The following ABCB6 variants were observed in gnomAD, a reference collection of about 807,000 sequenced individuals.
The protein encoded by ABCB6 is ATP binding cassette subfamily B member 6 (LAN blood group).
Under a neutral mutation model 99.4 loss-of-function variants are expected in ABCB6, and 87 were observed. The observed-to-expected ratio is 0.88, with a 90% confidence interval of 0.74 to 1.05. The LOEUF is 1.05. Ranked by LOEUF, ABCB6 falls within the 50% of genes least tolerant of loss-of-function variation. The pLI, the probability that ABCB6 is intolerant of heterozygous loss-of-function variation, is 0.00. For synonymous variants in ABCB6, 482 were observed against 447.5 expected (o/e 1.08, Z -0.97); for missense variants, 1,050 against 1,097.9 (o/e 0.96, Z 0.62).
intron 7 of ABCB6, 90 bp from the exon 8 acceptor site, chr2:219,214,276 T>TCAAACATCACACA: frequency 6.6e-7 from 1 of 1,506,968 alleles, no homozygotes; most frequent in Non-Finnish European, 9.2e-7. Context: ...CTTCCTGAGT[T>TCAAACATCACACA]CAAACATCAC....
At position 219,214,143 on chromosome 2, in the gene ABCB6, C is replaced by T. The variant is rs749179479; in HGVS notation, c.1430G>A (p.Arg477Gln). Residue 477 changes from arginine (R) to glutamine (Q), a missense_variant, in exon 8 of 19, where the codon CGA becomes CAA. Transcript: ENST00000265316. Reference sequence around the variant, plus strand: ...CACCTGATATTTGATGATGGCCTCTCGATAGCGTTCCACTTCGTAACTCTC... The same window carrying T: ...CACCTGATATTTGATGATGGCCTCTTGATAGCGTTCCACTTCGTAACTCTC... ...NAESYEVERYREAIIKYQGLE... is the reference protein window; with the variant it reads ...NAESYEVERYQEAIIKYQGLE... 1.7e-5 allele frequency: 27 copies of T among 1,614,072 alleles called. No individual in the cohort carries two copies. Among genetic ancestry groups the T allele is most frequent in the South Asian group, 3.3e-5 (3 of 91,086 alleles).
Position 219,215,070 on chromosome 2 carries a change from G to A in ABCB6, c.1167C>T (p.Phe389=). ...TGTCGGCCAGCGTGGGGATGACATT[G>A]AACACCAGGTAGCTAGGAGGGCAGG... ...SVTGLLSYLV[F]NVIPTLADII... The change falls in exon 6 of 19, where the codon TTC becomes TTT. Residue 389 remains phenylalanine, a synonymous_variant. Transcript: ENST00000265316. 1 of 1,614,138 alleles carries A rather than the reference G, an allele frequency of 6.2e-7. No homozygotes were observed. The highest frequency in any genetic ancestry group is 8.5e-7 in the Non-Finnish European group (1 of 1,180,020).
At chr2:219,211,213 TC>T in intron 14 of ABCB6, 105 bp from the exon 15 acceptor site, 1 of 1,250,548 alleles carries the variant, frequency 8.0e-7, no homozygotes, top group Non-Finnish European at 1.1e-6. Flanking sequence ...GTGGTAATAA[TC>T]CCACCATCAC....
chr2:219,212,586 G>A (rs1165422065), intron 13 of ABCB6, 95 bp from the exon 14 acceptor site: 13 of 900,446 alleles, frequency 1.4e-5, no homozygotes, highest in African/African-American at 4.9e-5. Flanking sequence ...GCAATGGCGC[G>A]ATCTCAGCTC....
Position 219,218,872 on chromosome 2 carries a change from A to G in ABCB6, c.-199T>C. On this transcript the variant is annotated 5_prime_UTR_variant, in exon 1 of 19. Transcript: ENST00000265316. Reference sequence around the variant, plus strand: ...CCTAGCGCACGCGCCGCCGCCACGCACTCACGCAGGGCACGTACGCCGTCT... The same window carrying G: ...CCTAGCGCACGCGCCGCCGCCACGCGCTCACGCAGGGCACGTACGCCGTCT... 1 of 570,744 alleles carries G rather than the reference A, an allele frequency of 1.8e-6. No individual in the cohort carries two copies. The highest frequency in any genetic ancestry group is 2.9e-6 in the Non-Finnish European group (1 of 340,008). 35.4% of individuals were successfully genotyped at this position (570,744 alleles called of 1,614,324 possible).
At position 219,210,981 on chromosome 2, in the gene ABCB6, G is replaced by C; in HGVS notation, c.2096C>G (p.Ala699Gly). 1 of 1,614,204 alleles carries C rather than the reference G, an allele frequency of 6.2e-7. No homozygotes were observed. The highest frequency in any genetic ancestry group is 8.5e-7 in the Non-Finnish European group (1 of 1,180,026). ...ATCATGGATGCCTGCAGCCTGAGCA[G>C]CAGCCTCCACCTCATCATTCCCAGC... ...VTAGNDEVEAAAQAAGIHDAI... is the reference protein window; with the variant it reads ...VTAGNDEVEAGAQAAGIHDAI... The change falls in exon 15 of 19, where the codon GCT becomes GGT. Residue 699 changes from alanine (A) to glycine (G), a missense_variant. Coordinates refer to ENST00000265316, the MANE Select transcript of ABCB6 (RefSeq NM_005689.4).
intron 13 of ABCB6, 63 bp from the exon 14 acceptor site, chr2:219,212,554 A>C: frequency 2.4e-6 from 3 of 1,275,974 alleles, no homozygotes; most frequent in Non-Finnish European, 3.4e-6. Flanking sequence ...ACCGAATCTC[A>C]CTCCGTCACC....
Position 219,214,404 on chromosome 2 carries a change from C to T in ABCB6, c.1371G>A (p.Leu457=), listed in dbSNP as rs1559236909. Residue 457 remains leucine, a synonymous_variant, in exon 7 of 19, where the codon CTG becomes CTA. Transcript: ENST00000265316. Reference sequence around the variant, plus strand: ...CCTCTGTTACCGTCTCGAAGTTTAGCAGAGAGTCCACTGCTCGTGCCCGGG... The same window carrying T: ...CCTCTGTTACCGTCTCGAAGTTTAGTAGAGAGTCCACTGCTCGTGCCCGGG... ...NATRARAVDS[L]LNFETVKYYN... 2 of 1,614,134 alleles carry T rather than the reference C, an allele frequency of 1.2e-6. No homozygotes were observed. Among genetic ancestry groups the T allele is most frequent in the African/African-American group, 2.7e-5 (2 of 75,054 alleles).
chr2:219,215,879 A>G, intron 5 of ABCB6, 118 bp downstream of exon 5: 1 of 1,173,982 alleles, frequency 8.5e-7, no homozygotes, highest in Non-Finnish European at 1.1e-6. Flanking sequence ...ATACTTTAAA[A>G]AACACCAAGG....
In ABCB6 at chr2:219,213,454, C is replaced by G. The variant is rs1950602232; in HGVS notation, c.1704G>C (p.Leu568=). Residue 568 remains leucine, a synonymous_variant, in exon 11 of 19, where the codon CTG becomes CTC. Coordinates refer to ENST00000265316, the MANE Select transcript of ABCB6 (RefSeq NM_005689.4). ...FIDMENMFDL[L]KEETEVKDLP... ...CTTCGCTCACTTCTGTCTCCTCTTT[C>G]AGCAAGTCAAACATGTTCTCCATGT... 7 of 1,614,134 alleles carry G rather than the reference C, an allele frequency of 4.3e-6. No individual in the cohort carries two copies. The highest frequency in any genetic ancestry group is 4.2e-6 in the Non-Finnish European group (5 of 1,180,052).
At chr2:219,210,143 C>T in intron 18 of ABCB6, 87 bp downstream of exon 18, 1 of 1,594,342 alleles carries the variant, frequency 6.3e-7, no homozygotes. Context: ...AAGGGAGGTC[C>T]CCTCCAGAAG....
At chr2:219,210,885 C>G in intron 15 of ABCB6, 49 bp downstream of exon 15, 3 of 1,613,236 alleles carry the variant, frequency 1.9e-6, no homozygotes, top group Non-Finnish European at 2.5e-6. Flanking sequence ...CAGGGATTAG[C>G]AGGACAACAC....
chr2:219,216,144 C>T lies in ABCB6; in HGVS notation c.1007G>A (p.Arg336Gln), dbSNP rs770956204. The T allele has an allele frequency of 5.0e-6, 8 of 1,601,562 alleles. No individual in the cohort carries two copies. The highest frequency in any genetic ancestry group is 4.5e-5 in the East Asian group (2 of 44,436). Residue 336 changes from arginine (R) to glutamine (Q), a missense_variant, in exon 5 of 19, where the codon CGG (arginine) becomes CAG (glutamine). Physicochemically the swap from Arg to Gln is conservative, Grantham distance 43. Transcript: ENST00000265316. The surrounding 1 kb of genome is among the most constrained non-coding windows in gnomAD (Gnocchi z 4.2). ...VSNLRTFLWI[R>Q]VQQFTSRRVE... The stretch of plus-strand genomic sequence containing the variant: ...CCGCCGAGACGTGAACTGCTGCACC[C>T]GGATCCACAGGAAGGTGCGCAGGTT...
rs1015650274 is a variant in ABCB6 at position 219,210,610 on chromosome 2, G to A, written c.2256+101C>T. 1.4e-5 allele frequency: 23 copies of A among 1,596,150 alleles called. No homozygotes were observed. The Admixed American group carries it at 3.7e-4, about 26-fold the overall frequency. On this transcript the variant is annotated intron_variant, in intron 16 of 18. Coordinates refer to ENST00000265316, the MANE Select transcript of ABCB6 (RefSeq NM_005689.4). ...GAGAACTGGAAAGTGTGTTTTGTGA[G>A]ATTTGAATTCATGGTATCTGTTCTA...
Position 219,218,703 on chromosome 2 carries a change from G to T in ABCB6, c.-30C>A. 1 of 1,520,122 alleles carries T rather than the reference G, an allele frequency of 6.6e-7. No individual in the cohort carries two copies. Among genetic ancestry groups the T allele is most frequent in the Non-Finnish European group, 8.8e-7 (1 of 1,133,252 alleles). The allele number at this position is 1,520,122 out of a possible 1,614,324, so 94.2% of individuals were successfully genotyped here. ...ATGCGTGGACGCCGGCCGAGGCTGC[G>T]GGCACTGCGGGACCGGAGGCCGGGA... On this transcript the variant is annotated 5_prime_UTR_variant, in exon 1 of 19. Coordinates refer to ENST00000265316, the MANE Select transcript of ABCB6 (RefSeq NM_005689.4).
In ABCB6 at chr2:219,217,817, A is replaced by C. The variant is rs745970812; in HGVS notation, c.550-10T>G. ...ACAGGCTAAACTGAACCTAGAATGA[A>C]ATATAAGTGGAGAGAGTATCATTGA... On this transcript the variant is annotated splice_polypyrimidine_tract_variant and intron_variant, in intron 1 of 18. Transcript: ENST00000265316. 2.5e-6 allele frequency: 4 copies of C among 1,610,374 alleles called. No individual in the cohort carries two copies. In the South Asian group the frequency reaches 4.4e-5, roughly 18 times the overall value.
At position 219,218,125 on chromosome 2, in the gene ABCB6, C is replaced by T. The variant is rs551637880; in HGVS notation, c.549G>A (p.Gln183=). The T allele has an allele frequency of 3.0e-5, 48 of 1,600,318 alleles. No individual in the cohort carries two copies. Among genetic ancestry groups the T allele is most frequent in the Non-Finnish European group, 4.0e-5 (47 of 1,172,728 alleles). Residue 183 remains glutamine, a splice_region_variant and synonymous_variant, in exon 1 of 19, where the codon CAG becomes CAA. Transcript: ENST00000265316. The part of the protein sequence containing the change: ...WWWARADLGQ[Q]VQFSLWVLRY... ...TCCCCCTTCCCACAGAGTCCCTCAC[C>T]TGCTGGCCCAAGTCTGCCCTTGCCC...
In ABCB6 at chr2:219,210,436, G is replaced by A. The variant is rs779559316; in HGVS notation, c.2296C>T (p.Gln766Ter). 1 of 1,614,182 alleles carries A rather than the reference G, an allele frequency of 6.2e-7. No homozygotes were observed. Among genetic ancestry groups the A allele is most frequent in the South Asian group, 1.1e-5 (1 of 91,076 alleles). The change falls in exon 17 of 19, where the codon CAG becomes TAG. Residue 766 changes from glutamine (Q) to a stop codon, truncating the protein, a stop_gained. Transcript: ENST00000265316. LOFTEE classifies it high-confidence loss of function. ...GCACAGACTTTGGCCAGAGAAGCCTGGATGGCCCTCTCATTAGATGTATCC... is the reference window on the plus strand; with the variant it reads ...GCACAGACTTTGGCCAGAGAAGCCTAGATGGCCCTCTCATTAGATGTATCC... ...ALDTSNERAI[Q>*]ASLAKVCANR...
At position 219,210,458 on chromosome 2, in the gene ABCB6, A is replaced by T. The variant is rs1282443956; in HGVS notation, c.2274T>A (p.Asp758Glu). 1.2e-6 allele frequency: 2 copies of T among 1,614,188 alleles called. No individual in the cohort carries two copies. Among genetic ancestry groups the T allele is most frequent in the Non-Finnish European group, 8.5e-7 (1 of 1,180,034 alleles). ...CCTGGATGGCCCTCTCATTAGATGT[A>T]TCCAGCGCTGACGTTGCCTATAGAG... is the stretch of plus-strand genomic sequence containing the variant. ...ILLDEATSAL[D>E]TSNERAIQAS... The change falls in exon 17 of 19, where the codon GAT becomes GAA. Residue 758 changes from aspartate to glutamate, a missense_variant. Physicochemically the swap from Asp to Glu is conservative, Grantham distance 45 (BLOSUM62 2). Transcript: ENST00000265316.
Sources: allele counts gnomAD v4.1 joint callset, GRCh38; gene constraint gnomAD v4.1.1; non-coding constraint Gnocchi (gnomAD v3.1); transcripts MANE v1.5; gene names NCBI Gene and HGNC (gene_info 2026-07-23, HGNC 2026-07-21).